The following KIF3C variants were observed in gnomAD, a reference collection of about 807,000 sequenced individuals.
KIF3C encodes the protein kinesin-like protein KIF3C.
Under a neutral mutation model 67.7 loss-of-function variants are expected in KIF3C, and 12 were observed. The observed-to-expected ratio is 0.18, with a 90% CI of 0.11 to 0.29. The LOEUF (loss-of-function observed/expected upper bound fraction) is 0.29, where lower values mean the gene tolerates loss of function less well. Ranked by LOEUF, KIF3C falls within the 10% of genes least tolerant of loss-of-function variation. The pLI, the probability that KIF3C is intolerant of heterozygous loss-of-function variation, is 1.00. For missense variants in KIF3C, 789 were observed against 1,059.6 expected (o/e 0.74, Z 3.55); for synonymous variants, 393 against 426.2 (o/e 0.92, Z 0.96).
rs1390469497 is a variant in KIF3C, at chr2:25,981,582, C to T, written c.336G>A (p.Val112=). ...GGATGACCCCGCGCAGCTCGGGCTC[C>T]ACCCAGGTCCCCTGCATGGTATAGG... is the stretch of plus-strand genomic sequence containing the variant. ...GKTYTMQGTW[V]EPELRGVIPN... The change falls in exon 1 of 8, where the codon GTG becomes GTA. Residue 112 remains valine, a synonymous_variant. Transcript: ENST00000264712. This position sits in a 1 kb window ranked among gnomAD's most constrained non-coding sequence, Gnocchi z 8.2. 2.5e-6 allele frequency: 4 copies of T among 1,614,092 alleles called. No homozygotes were observed. The highest frequency in any genetic ancestry group is 3.3e-4 in the Middle Eastern group (2 of 6,084).
intron 1 of KIF3C, among the ~76,000 whole-genome samples, chr2:25,979,456 G>A (rs1277980784): frequency 6.6e-6 from 1 of 152,152 alleles, no homozygotes; most frequent in African/African-American, 2.4e-5. Flanking sequence ...CAGATAGGTA[G>A]AGCCTCAGAG....
intron 1 of KIF3C, among the ~76,000 whole-genome samples, chr2:25,957,937 G>A (rs189146024): frequency 2.9e-4 from 44 of 152,244 alleles, no homozygotes; most frequent in African/African-American, 1.0e-3. Context: ...CCCTCTTACC[G>A]CATTGCCTTG....
rs1052176531 is a variant in KIF3C at position 25,958,143 on chromosome 2, C to G, written c.1546-1699G>C. Among the ~76,000 whole-genome samples, 1 of 152,120 alleles carries G rather than the reference C, an allele frequency of 6.6e-6. No individual in the cohort carries two copies. Among genetic ancestry groups the G allele is most frequent in the Non-Finnish European group, 1.5e-5 (1 of 68,026 alleles). Reference sequence around the variant, plus strand: ...ATCTGCTCCTCAGTGCGGCTCCCACCACCCCCCATTTTTCATTCTCACTGC... The same window carrying G: ...ATCTGCTCCTCAGTGCGGCTCCCACGACCCCCCATTTTTCATTCTCACTGC... On this transcript the variant is annotated intron_variant, in intron 1 of 7. Transcript: ENST00000264712. This position sits in a 1 kb window ranked among gnomAD's most constrained non-coding sequence, Gnocchi z 4.5.
chr2:25,980,591 G>C lies in KIF3C; in HGVS notation c.1327C>G (p.Arg443Gly), dbSNP rs767011528. 3 of 1,613,896 alleles carry C rather than the reference G, an allele frequency of 1.9e-6. No individual in the cohort carries two copies. Among genetic ancestry groups the C allele is most frequent in the Non-Finnish European group, 2.5e-6 (3 of 1,180,012 alleles). Reference sequence around the variant, plus strand: ...GACTCCAGGATGGGCTGGGGCGGGCGGTGGTTGTTGTTGTTGTCATCCTCC... The same window carrying C: ...GACTCCAGGATGGGCTGGGGCGGGCCGTGGTTGTTGTTGTTGTCATCCTCC... The part of the protein sequence containing the change: ...EEEDDNNNNH[R>G]PPQPILESAL... The change falls in exon 1 of 8, where the codon CGC becomes GGC. Residue 443 changes from arginine (R) to glycine (G), a missense_variant. Arg to Gly is a moderately radical substitution (Grantham distance 125). Around this residue, in one of 2 missense-constraint regions of KIF3C, gnomAD observed 648 missense variants for 807.8 expected, o/e 0.80. Transcript: ENST00000264712. The surrounding 1 kb of genome is among the most constrained non-coding windows in gnomAD (Gnocchi z 7.6).
intron 5 of KIF3C, among the ~76,000 whole-genome samples, chr2:25,931,368 G>A (rs1025629358): frequency 2.7e-5 from 4 of 150,836 alleles, no homozygotes. Context: ...TGAGGCAGGA[G>A]AATTGCTTGA....
chr2:25,951,409 C>G (rs754603245), intron 5 of KIF3C: 2 of 238,746 alleles, frequency 8.4e-6, no homozygotes, highest in Non-Finnish European at 1.7e-5. Flanking sequence ...ATCCGGCACA[C>G]AGTAGCGCTT....
intron 1 of KIF3C, among the ~76,000 whole-genome samples, chr2:25,978,238 C>T (rs1392141590): frequency 6.6e-6 from 1 of 152,190 alleles, no homozygotes; most frequent in East Asian, 1.9e-4. Context: ...GCTGATAAGA[C>T]ACTCACTCCA....
rs1417641743 is a variant in KIF3C, at chr2:25,962,850, AATATAAT to A, written c.1546-6413_1546-6407del. Among the ~76,000 whole-genome samples the A allele has an allele frequency of 2.5e-4, 14 of 55,608 alleles. 2 individuals are homozygous for A. The highest frequency in any genetic ancestry group is 5.1e-4 in the African/African-American group (5 of 9,734). The allele number at this position is 55,608 out of a possible 152,430, so 36.5% of individuals were successfully genotyped here. On this transcript the variant is annotated intron_variant, in intron 1 of 7. Transcript: ENST00000264712. ...AAAATATATAAAATATATAATATAT[AATATAAT>A]ATATAATATATATAATATATAAAAT...
intron 5 of KIF3C, among the ~76,000 whole-genome samples, chr2:25,941,783 C>T (rs891511155): frequency 6.6e-6 from 1 of 151,704 alleles, no homozygotes; most frequent in East Asian, 1.9e-4. Context: ...TCCCAGCTAC[C>T]CAGGAGGCTG....
chr2:25,975,637 A>G (rs572636520), intron 1 of KIF3C, among the ~76,000 whole-genome samples: 2 of 152,212 alleles, frequency 1.3e-5, no homozygotes, highest in African/African-American at 4.8e-5. Flanking sequence ...TTTCACCTCA[A>G]TGGAGCTCTG....
intron 4 of KIF3C, among the ~76,000 whole-genome samples, chr2:25,953,742 C>T (rs1188221633): frequency 6.6e-6 from 1 of 150,560 alleles, no homozygotes; most frequent in Non-Finnish European, 1.5e-5. Flanking sequence ...ATGATCTCGG[C>T]TCACTGCCAC....
rs201673282 is a variant in KIF3C at position 25,955,683 on chromosome 2, T to C, written c.1648-20A>G. 1.9e-6 allele frequency: 3 copies of C among 1,613,606 alleles called. No homozygotes were observed. The highest frequency in any genetic ancestry group is 1.1e-5 in the South Asian group (1 of 91,044). ...ACGTTTCTAGGCCAAGGACGGGCAG[T>C]GTGGCTCAAAGGAGCAGTGCATACT... is the stretch of plus-strand genomic sequence containing the variant. On this transcript the variant is annotated intron_variant, in intron 2 of 7. Coordinates refer to ENST00000264712, the MANE Select transcript of KIF3C (RefSeq NM_002254.8). The surrounding 1 kb of genome is among the most constrained non-coding windows in gnomAD (Gnocchi z 5.0).
intron 1 of KIF3C, among the ~76,000 whole-genome samples, chr2:25,959,005 C>T (rs763959314): frequency 3.9e-5 from 6 of 151,994 alleles, no homozygotes; most frequent in African/African-American, 7.3e-5. Context: ...ACACGGGAGG[C>T]GGAGGTTGTG....
chr2:25,949,390 A>G (rs758125180), intron 5 of KIF3C, among the ~76,000 whole-genome samples: 2 of 152,078 alleles, frequency 1.3e-5, no homozygotes, highest in Non-Finnish European at 2.9e-5. Flanking sequence ...CCTGGGTAAC[A>G]TGGCAAAACC....
chr2:25,932,003 G>GTTTTTTTTT (rs775155142), intron 5 of KIF3C, among the ~76,000 whole-genome samples: 1 of 96,174 alleles, frequency 1.0e-5, no homozygotes, highest in Non-Finnish European at 2.1e-5. Flanking sequence ...CTTCTGTTTT[G>GTTTTTTTTT]TTTTTTTTTT....
At chr2:25,940,466 G>T (rs1399034478) in intron 5 of KIF3C, among the ~76,000 whole-genome samples, 1 of 151,662 alleles carries the variant, frequency 6.6e-6, no homozygotes. Context: ...AGCTACTCTG[G>T]AGGCTGAGGC....
At chr2:25,954,430 C>T in intron 3 of KIF3C, 45 bp from the exon 4 acceptor site, 2 of 1,473,048 alleles carry the variant, frequency 1.4e-6, no homozygotes, top group South Asian at 2.3e-5. Context: ...GGTGTGGCAA[C>T]GAGGCCCCAG....
intron 5 of KIF3C, among the ~76,000 whole-genome samples, chr2:25,933,114 G>A (rs2090475989): frequency 6.6e-6 from 1 of 151,722 alleles, no homozygotes; most frequent in African/African-American, 2.4e-5. Context: ...AGCCAGGCGT[G>A]GCAGCATGTA....
intron 5 of KIF3C, among the ~76,000 whole-genome samples, chr2:25,940,172 C>T (rs1478198251): frequency 6.6e-6 from 1 of 152,160 alleles, no homozygotes; most frequent in East Asian, 1.9e-4. Flanking sequence ...AGGCACAGGC[C>T]TGGAACCTTA....
Sources: gnomAD v4.1 joint callset for allele counts (sites outside exome capture counted in the v4.1 genomes callset) on GRCh38, gnomAD v4.1.1 for gene constraint, gnomAD v4.1.1 regional missense constraint, Gnocchi (gnomAD v3.1) non-coding constraint, MANE v1.5 for transcripts, NCBI Gene and HGNC (gene_info 2026-07-23, HGNC 2026-07-21) for gene names.